The following TMEM117 variants were observed in gnomAD, a reference collection of about 807,000 sequenced individuals.
TMEM117 encodes the protein transmembrane protein 117.
TMEM117 carries 27 observed loss-of-function variants against 52.4 expected under a neutral mutation model. That is an observed-to-expected ratio of 0.51 (90% CI 0.38 to 0.71). TMEM117 has a LOEUF of 0.71. Ranked by LOEUF, TMEM117 falls within the 30% of genes least tolerant of loss-of-function variation. The pLI, the probability that TMEM117 is intolerant of heterozygous loss-of-function variation, is 0.00. For synonymous variants in TMEM117, 215 were observed against 206.3 expected, an observed-to-expected ratio of 1.04 and a Z score of -0.36; for missense variants, 556 against 630.5, an observed-to-expected ratio of 0.88 and a Z score of 1.26.
rs201211218 is a variant in TMEM117 at position 43,944,197 on chromosome 12, A to G, written c.278-13A>G. On this transcript the variant is annotated splice_polypyrimidine_tract_variant and intron_variant, in intron 2 of 7. Coordinates refer to ENST00000266534, the MANE Select transcript of TMEM117 (RefSeq NM_032256.3). ...ACAGTGTACATTAATTTTTAATAAT[A>G]TTTGTATTTCAGGTCAGTTGCTCCG... 2.5e-4 allele frequency: 407 copies of G among 1,601,860 alleles called. 2 individuals carry two copies. Among genetic ancestry groups the G allele is most frequent in the African/African-American group, 1.5e-3 (108 of 74,356 alleles).
intron 3 of TMEM117, among the ~76,000 whole-genome samples, chr12:44,071,327 G>T (rs991649680): frequency 6.6e-5 from 10 of 152,050 alleles, no homozygotes; most frequent in Non-Finnish European, 1.3e-4. Flanking sequence ...GCACATGACT[G>T]ATGCTGTTTT....
chr12:44,026,354 C>A (rs747758217), intron 3 of TMEM117, among the ~76,000 whole-genome samples: 1 of 152,066 alleles, frequency 6.6e-6, no homozygotes, highest in East Asian at 1.9e-4. Flanking sequence ...GATTAAAAAC[C>A]TGGGGACCCA....
chr12:43,835,237 T>C (rs112354905), upstream of TMEM117, among the ~76,000 whole-genome samples: 646 of 152,218 alleles, frequency 4.2e-3, 7 homozygotes, highest in African/African-American at 0.013. Flanking sequence ...AAGAGAGGAA[T>C]TGGTCAGATG....
At chr12:44,121,566 A>G (rs1388886421) in intron 3 of TMEM117, among the ~76,000 whole-genome samples, 2 of 152,204 alleles carry the variant, frequency 1.3e-5, no homozygotes, top group African/African-American at 4.8e-5. Flanking sequence ...AACATATTGT[A>G]CAAATGTAGT....
intron 3 of TMEM117, among the ~76,000 whole-genome samples, chr12:44,127,408 G>T (rs1294898055): frequency 6.6e-6 from 1 of 152,072 alleles, no homozygotes; most frequent in African/African-American, 2.4e-5. Context: ...TGGTCACGGT[G>T]GCGCGTGCCT....
intron 3 of TMEM117, among the ~76,000 whole-genome samples, chr12:44,044,741 A>C (rs1946854251): frequency 6.6e-6 from 1 of 152,206 alleles, no homozygotes; most frequent in African/African-American, 2.4e-5. Context: ...CTGCAGCACT[A>C]CAGCCCCTTT....
At chr12:44,123,269 TAA>T (rs1054017775) in intron 3 of TMEM117, among the ~76,000 whole-genome samples, 1 of 152,148 alleles carries the variant, frequency 6.6e-6, no homozygotes, top group Non-Finnish European at 1.5e-5. Context: ...TAAATTTGTT[TAA>T]GTTACATATT....
At chr12:44,231,594 T>C (rs1024191229) in intron 5 of TMEM117, among the ~76,000 whole-genome samples, 1 of 151,830 alleles carries the variant, frequency 6.6e-6, no homozygotes, top group African/African-American at 2.4e-5. Flanking sequence ...AATTAGTGTA[T>C]GAAAGTTATC....
At chr12:44,337,505 G>A (rs1301833922) in intron 6 of TMEM117, among the ~76,000 whole-genome samples, 1 of 151,994 alleles carries the variant, frequency 6.6e-6, no homozygotes, top group Non-Finnish European at 1.5e-5. Context: ...CTGCTTTGTG[G>A]AGAGAAAGAG....
At chr12:44,018,784 A>G (rs1946411224) in intron 3 of TMEM117, among the ~76,000 whole-genome samples, 1 of 149,982 alleles carries the variant, frequency 6.7e-6, no homozygotes, top group Admixed American at 6.7e-5. Context: ...CAGTGGCGCA[A>G]TCTTGGCTCA....
chr12:44,209,382 G>A (rs529376857), intron 4 of TMEM117, among the ~76,000 whole-genome samples: 14 of 152,056 alleles, frequency 9.2e-5, no homozygotes, highest in African/African-American at 3.4e-4. Context: ...ATTAGTTTGA[G>A]TGAGAAAATA....
At chr12:44,246,907 G>A (rs184782135) in intron 5 of TMEM117, among the ~76,000 whole-genome samples, 188 of 152,272 alleles carry the variant, frequency 1.2e-3, no homozygotes, top group Admixed American at 2.1e-3. Flanking sequence ...ACATTGCTGG[G>A]CCCTGCATCT....
intron 3 of TMEM117, among the ~76,000 whole-genome samples, chr12:43,959,100 C>T (rs528940506): frequency 7.0e-4 from 107 of 152,210 alleles, no homozygotes; most frequent in African/African-American, 2.4e-3. Context: ...AGCCACCGCG[C>T]CCGGCCAAAA....
intron 3 of TMEM117, among the ~76,000 whole-genome samples, chr12:44,064,130 A>G (rs981991544): frequency 1.1e-4 from 16 of 152,242 alleles, no homozygotes; most frequent in African/African-American, 3.9e-4. Flanking sequence ...GAAAGAGATG[A>G]TTCCCTAAAA....
At chr12:44,320,537 C>T (rs1031343825) in intron 6 of TMEM117, among the ~76,000 whole-genome samples, 1 of 152,160 alleles carries the variant, frequency 6.6e-6, no homozygotes, top group Non-Finnish European at 1.5e-5. Context: ...CCTCTCCTAC[C>T]CCCACCTCTT....
intron 4 of TMEM117, among the ~76,000 whole-genome samples, chr12:44,193,060 T>C (rs923858591): frequency 2.0e-5 from 3 of 152,200 alleles, no homozygotes; most frequent in Admixed American, 6.5e-5. Context: ...CTGTGCACCT[T>C]TGAAAATCAT....
chr12:44,089,599 ACT>A (rs982586583), intron 3 of TMEM117, among the ~76,000 whole-genome samples: 1 of 151,634 alleles, frequency 6.6e-6, no homozygotes, highest in African/African-American at 2.4e-5. Flanking sequence ...TGCTCATGTG[ACT>A]CTCTCAGCGT....
chr12:44,379,597 C>T (rs2138857653), intron 7 of TMEM117, among the ~76,000 whole-genome samples: 1 of 152,242 alleles, frequency 6.6e-6, no homozygotes, highest in Middle Eastern at 3.4e-3. Context: ...TTGCTGAGGC[C>T]ACCCCAGAGT....
At position 44,093,196 on chromosome 12, in the gene TMEM117, AT is replaced by A. The variant is rs564224577; in HGVS notation, c.411-50321del. On this transcript the variant is annotated intron_variant, in intron 3 of 7. Transcript: ENST00000266534. ...TTTTTTCAGTGTCTGGTCAAGGGAG[AT>A]TTTTTTTCTGAAGAAAGAATAACAT... 2.1e-3 allele frequency among the ~76,000 whole-genome samples: 321 copies of A among 151,922 alleles called. 2 individuals carry two copies. The highest frequency in any genetic ancestry group is 3.9e-3 in the Non-Finnish European group (263 of 67,940).
Sources: gnomAD v4.1 joint callset for allele counts (sites outside exome capture counted in the v4.1 genomes callset) on GRCh38, gnomAD v4.1.1 for gene constraint, MANE v1.5 for transcripts, NCBI Gene and HGNC (gene_info 2026-07-23, HGNC 2026-07-21) for gene names.